The following TFPI2 variants were observed in gnomAD, a reference collection of about 807,000 sequenced individuals.
TFPI2 encodes the protein placental protein 5.
In TFPI2, 23 loss-of-function variants were observed where a neutral mutation model predicts 23.1. The ratio of observed to expected loss-of-function variants is 1.00; its 90% CI spans 0.72 to 1.41. The LOEUF (loss-of-function observed/expected upper bound fraction) is 1.41. Ranked by LOEUF, TFPI2 falls within the 40% of genes most tolerant of loss-of-function variation. TFPI2 has a pLI of 0.00. For missense variants in TFPI2, 291 were observed against 299.6 expected (o/e 0.97, Z 0.21); for synonymous variants, 119 against 111.7 (o/e 1.07, Z -0.41).
In TFPI2 at chr7:93,890,121, C is replaced by A; in HGVS notation, c.271+16G>T. 2 of 1,569,414 alleles carry A rather than the reference C, an allele frequency of 1.3e-6. No homozygotes were observed. Among genetic ancestry groups the A allele is most frequent in the Non-Finnish European group, 1.7e-6 (2 of 1,150,192 alleles). ...GCAAGGAGCGCGAGAGTCCTGGGTG[C>A]GCGCAGGGCACTTACTTTCTATCCT... is the stretch of plus-strand genomic sequence containing the variant. On this transcript the variant is annotated intron_variant, in intron 2 of 4. Transcript: ENST00000222543.
At chr7:93,887,906 T>A (rs948443422) in intron 3 of TFPI2, among the ~76,000 whole-genome samples, 2 of 152,254 alleles carry the variant, frequency 1.3e-5, no homozygotes, top group African/African-American at 4.8e-5. Context: ...ACATCCACAG[T>A]AACCATCACC....
Position 93,889,156 on chromosome 7 carries a change from A to T in TFPI2, c.339T>A (p.Tyr113Ter). The part of the protein sequence containing the change: ...DDQCEGSTEK[Y>*]FFNLSSMTCE... ...ATGTCATGGAACTTAGATTAAAGAA[A>T]TACTTTTCTGTGGACCCCTCACACT... is the stretch of plus-strand genomic sequence containing the variant. Residue 113 changes from tyrosine to a stop codon, truncating the protein, a stop_gained, in exon 3 of 5, where the codon TAT becomes TAA. Coordinates refer to ENST00000222543, the MANE Select transcript of TFPI2 (RefSeq NM_006528.4). LOFTEE classifies it high-confidence loss of function. The T allele has an allele frequency of 6.2e-7, 1 of 1,613,400 alleles. No homozygotes were observed. The highest frequency in any genetic ancestry group is 1.3e-5 in the African/African-American group (1 of 75,004).
Position 93,890,270 on chromosome 7 carries a change from C to G in TFPI2, c.138G>C (p.Arg46=), listed in dbSNP as rs1349517846. ...CGTAGTAGTAACGGAGAAGTAGGGC[C>G]CGGCAGGGTCCGTAGTCTAGGGGCA... is the stretch of plus-strand genomic sequence containing the variant. The part of the protein sequence containing the change: ...CLLPLDYGPC[R]ALLLRYYYDR... The change falls in exon 2 of 5, where the codon CGG becomes CGC. Residue 46 remains arginine, a synonymous_variant. Coordinates refer to ENST00000222543, the MANE Select transcript of TFPI2 (RefSeq NM_006528.4). 6.2e-7 allele frequency: 1 copy of G among 1,613,512 alleles called. No homozygotes were observed. The highest frequency in any genetic ancestry group is 1.3e-5 in the African/African-American group (1 of 74,924).
chr7:93,890,459 T>TC (rs1026895139), intron 1 of TFPI2, 132 bp downstream of exon 1: 7 of 1,405,382 alleles, frequency 5.0e-6, no homozygotes, highest in East Asian at 2.5e-5. Context: ...TGGGAGCGAG[T>TC]CCCCCCTGCC....
At chr7:93,890,503 A>T in intron 1 of TFPI2, 88 bp downstream of exon 1, 2 of 1,478,378 alleles carry the variant, frequency 1.4e-6, no homozygotes, top group South Asian at 2.6e-5. Flanking sequence ...GGAGAAAGCG[A>T]GGCTTGGAGG....
At chr7:93,889,311 G>A in intron 2 of TFPI2, 88 bp from the exon 3 acceptor site, 2 of 1,248,098 alleles carry the variant, frequency 1.6e-6, no homozygotes, top group Admixed American at 5.1e-5. Flanking sequence ...ATTTTGTGGG[G>A]GGAGAGAAGT....
chr7:93,888,977 T>C (rs951505729), intron 3 of TFPI2, 58 bp downstream of exon 3: 70 of 1,514,350 alleles, frequency 4.6e-5, no homozygotes, highest in Non-Finnish European at 6.1e-5. Context: ...TTGAGTTTTT[T>C]CCACCCAAAT....
intron 3 of TFPI2, among the ~76,000 whole-genome samples, chr7:93,887,744 C>G (rs1008198911): frequency 1.3e-5 from 2 of 152,112 alleles, no homozygotes; most frequent in African/African-American, 4.8e-5. Flanking sequence ...GTTTCAAGGA[C>G]AATATGTGGC....
rs1421280720 is a variant in TFPI2 at position 93,890,250 on chromosome 7, T to C, written c.158A>G (p.Tyr53Cys). Residue 53 changes from tyrosine (Y) to cysteine (C), a missense_variant, in exon 2 of 5, where the codon TAC (tyrosine) becomes TGC (cysteine). Transcript: ENST00000222543. Reference sequence around the variant, plus strand: ...GCAGCTCTGCGTGTACCTGTCGTAGTAGTAACGGAGAAGTAGGGCCCGGCA... The same window carrying C: ...GCAGCTCTGCGTGTACCTGTCGTAGCAGTAACGGAGAAGTAGGGCCCGGCA... ...GPCRALLLRYYYDRYTQSCRQ... is the reference protein window; with the variant it reads ...GPCRALLLRYCYDRYTQSCRQ... 4.3e-6 allele frequency: 7 copies of C among 1,613,852 alleles called. No individual in the cohort carries two copies. Among genetic ancestry groups the C allele is most frequent in the Non-Finnish European group, 5.9e-6 (7 of 1,179,746 alleles).
rs140825653 is a variant in TFPI2 at position 93,885,728 on chromosome 7, C to T, written c.*1092G>A. 2.8e-4 allele frequency: 43 copies of T among 152,118 alleles called. No individual in the cohort carries two copies. In the East Asian group the frequency reaches 6.9e-3, roughly 25 times the overall value. The allele number at this position is 152,118 out of a possible 1,614,324, so 9.4% of individuals were successfully genotyped here. On this transcript the variant is annotated 3_prime_UTR_variant, in exon 5 of 5. Transcript: ENST00000222543. ...TGACTGAAGAGTACCTGGTTTGCTT[C>T]TAGCTTTCAGCATCATTCAAAGTTC...
chr7:93,888,590 A>AAGGAAG (rs754410994), intron 3 of TFPI2, among the ~76,000 whole-genome samples: 1 of 42,278 alleles, frequency 2.4e-5, no homozygotes. Flanking sequence ...GGAAGGAAAG[A>AAGGAAG]GAAAGAAAGA....
Position 93,890,328 on chromosome 7 carries a change from G to A in TFPI2, c.89-9C>T, listed in dbSNP as rs185476832. The A allele has an allele frequency of 7.5e-4, 1,203 of 1,597,620 alleles. 3 individuals are homozygous for A. Among genetic ancestry groups the A allele is most frequent in the South Asian group, 2.9e-3 (265 of 90,030 alleles). On this transcript the variant is annotated splice_polypyrimidine_tract_variant and intron_variant, in intron 1 of 4. Transcript: ENST00000222543. The stretch of plus-strand genomic sequence containing the variant: ...GATCTCCGCGTTATTTCCTGAAGAA[G>A]GGGCAGAAGGAGAGCAAAAGAGAGG...
Position 93,889,082 on chromosome 7 carries a change from C to A in TFPI2, c.413G>T (p.Arg138Met), listed in dbSNP as rs777375118. The A allele has an allele frequency of 6.2e-7, 1 of 1,611,520 alleles. No individual in the cohort carries two copies. The highest frequency in any genetic ancestry group is 8.5e-7 in the Non-Finnish European group (1 of 1,179,216). The change falls in exon 3 of 5, where the codon AGG (arginine) becomes ATG (methionine). Residue 138 changes from arginine (R) to methionine (M), a missense_variant. Arg to Met is a moderately conservative substitution (Grantham distance 91). Transcript: ENST00000222543. ...CATACAAGTAGCTTCATCTGGAAACCTGTTCTCAATCCGGTTCCGGTGACA... is the reference window on the plus strand; with the variant it reads ...CATACAAGTAGCTTCATCTGGAAACATGTTCTCAATCCGGTTCCGGTGACA... ...GGCHRNRIENRFPDEATCMGF... is the reference protein window; with the variant it reads ...GGCHRNRIENMFPDEATCMGF...
Position 93,886,765 on chromosome 7 carries a change from C to A in TFPI2, c.*55G>T, listed in dbSNP as rs4264. ...ATGCTGTCATATTATTCTTCAGATACAACCATAAAGGCAAATAAGCCATAA... is the reference window on the plus strand; with the variant it reads ...ATGCTGTCATATTATTCTTCAGATAAAACCATAAAGGCAAATAAGCCATAA... On this transcript the variant is annotated 3_prime_UTR_variant, in exon 5 of 5. Coordinates refer to ENST00000222543, the MANE Select transcript of TFPI2 (RefSeq NM_006528.4). The A allele has an allele frequency of 1.5e-5, 17 of 1,120,570 alleles. No individual in the cohort carries two copies. The highest frequency in any genetic ancestry group is 2.1e-5 in the Non-Finnish European group (17 of 791,744). 69.4% of individuals were successfully genotyped at this position (1,120,570 alleles called of 1,614,324 possible).
intron 2 of TFPI2, 29 bp downstream of exon 2, chr7:93,890,106 CGA>C (rs1260067196): frequency 2.0e-6 from 3 of 1,537,662 alleles, no homozygotes; most frequent in Non-Finnish European, 1.8e-6. Flanking sequence ...GCAAGGAGCG[CGA>C]GAGTCCTGGG....
intron 2 of TFPI2, 76 bp downstream of exon 2, chr7:93,890,061 G>A (rs940144214): frequency 2.1e-6 from 3 of 1,446,688 alleles, no homozygotes; most frequent in Non-Finnish European, 2.8e-6. Context: ...AAAGCGAGAC[G>A]TGGGAAACTG....
In TFPI2 at chr7:93,886,807, A is replaced by C. The variant is rs1216143414; in HGVS notation, c.*13T>G. ...AAGCCATAAAGACAAACAAGATGAC[A>C]TATTAAGAATGTTTAAAATTGCTTC... On this transcript the variant is annotated 3_prime_UTR_variant, in exon 5 of 5. Transcript: ENST00000222543. The C allele has an allele frequency of 2.0e-6, 3 of 1,519,314 alleles. No individual in the cohort carries two copies. The South Asian group carries it at 3.9e-5, about 20-fold the overall frequency. 94.1% of individuals were successfully genotyped at this position (1,519,314 alleles called of 1,614,324 possible).
intron 4 of TFPI2, 147 bp downstream of exon 4, chr7:93,887,114 A>G: frequency 1.2e-6 from 1 of 866,854 alleles, no homozygotes; most frequent in Non-Finnish European, 1.7e-6. Context: ...ATTTTGACAA[A>G]ACTGATTAAC....
intron 3 of TFPI2, among the ~76,000 whole-genome samples, chr7:93,887,973 T>C (rs1794029588): frequency 6.6e-6 from 1 of 152,242 alleles, no homozygotes; most frequent in African/African-American, 2.4e-5. Context: ...CTTTATCAAA[T>C]TCTCTGCCAA....
Sources: allele counts gnomAD v4.1 joint callset (sites outside exome capture counted in the v4.1 genomes callset), GRCh38; gene constraint gnomAD v4.1.1; transcripts MANE v1.5; gene names NCBI Gene and HGNC (gene_info 2026-07-23, HGNC 2026-07-21).